XRRA1: variants seen among roughly 807,000 people sequenced by gnomAD.
The protein encoded by XRRA1 is X-ray radiation resistance-associated protein 1.
In XRRA1, 69 loss-of-function variants were observed where a neutral mutation model predicts 80.2. That is an observed-to-expected ratio of 0.86 (90% CI 0.71 to 1.05). The LOEUF is 1.05. Among genes scored for constraint, XRRA1 ranks in the 50% least tolerant of loss-of-function variants. XRRA1 has a pLI of 0.00. For missense variants in XRRA1, 967 were observed against 976.4 expected, an observed-to-expected ratio of 0.99 and a Z score of 0.13; for synonymous variants, 348 against 389.9, an observed-to-expected ratio of 0.89 and a Z score of 1.27.
chr11:74,928,608 T>A (rs1942802537), intron 6 of XRRA1, among the ~76,000 whole-genome samples: 1 of 152,192 alleles, frequency 6.6e-6, no homozygotes, highest in South Asian at 2.1e-4. Context: ...AAACTCCTGA[T>A]GCTGTTGTAC....
chr11:74,928,458 G>C (rs1366942199), intron 6 of XRRA1, among the ~76,000 whole-genome samples: 1 of 152,168 alleles, frequency 6.6e-6, no homozygotes. Flanking sequence ...CTCCTGTGAG[G>C]AATGAGATTT....
At chr11:74,859,859 G>A (rs1413928722) in intron 11 of XRRA1, among the ~76,000 whole-genome samples, 2 of 152,066 alleles carry the variant, frequency 1.3e-5, no homozygotes, top group Non-Finnish European at 1.5e-5. Flanking sequence ...GCATGCTGCA[G>A]CTGGATCCCT....
chr11:74,874,241 A>AAG, intron 10 of XRRA1, among the ~76,000 whole-genome samples: 1 of 146,228 alleles, frequency 6.8e-6, no homozygotes, highest in East Asian at 2.0e-4. Context: ...CTCAAAAAAA[A>AAG]AAAAAAAAAA....
intron 3 of XRRA1, among the ~76,000 whole-genome samples, chr11:74,940,431 G>C (rs1209338104): frequency 6.6e-6 from 1 of 152,190 alleles, no homozygotes; most frequent in Non-Finnish European, 1.5e-5. Context: ...TGGCTAACAA[G>C]AATGAGGGCT....
At chr11:74,892,824 A>G (rs1343819876) in intron 10 of XRRA1, among the ~76,000 whole-genome samples, 6 of 151,946 alleles carry the variant, frequency 3.9e-5, no homozygotes, top group Admixed American at 2.0e-4. Context: ...ATCACTGGCC[A>G]TCAGAGAAAT....
chr11:74,932,142 T>C (rs1188659399), intron 5 of XRRA1, among the ~76,000 whole-genome samples: 1 of 152,248 alleles, frequency 6.6e-6, no homozygotes, highest in East Asian at 1.9e-4. Flanking sequence ...TTTTTGGTTA[T>C]ATTACTTGCT....
Position 74,840,998 on chromosome 11 carries a change from G to A in XRRA1, c.*2202C>T, listed in dbSNP as rs2036449715. ...TTTTTTCAGTTAGTTAGAGTTAAAT[G>A]TACCTATAGCCCCTGAATACATGCT... On this transcript the variant is annotated 3_prime_UTR_variant, in exon 19 of 19. Transcript: ENST00000684022. The A allele has an allele frequency of 6.6e-6, 1 of 152,038 alleles. No individual in the cohort carries two copies. The highest frequency in any genetic ancestry group is 1.5e-5 in the Non-Finnish European group (1 of 68,014). 9.4% of individuals were successfully genotyped at this position (152,038 alleles called of 1,614,324 possible). A position where few individuals can be genotyped will look rare whatever the true frequency, so the allele number is the denominator to read the frequency against.
At chr11:74,879,656 TGA>T (rs1491150769) in intron 10 of XRRA1, among the ~76,000 whole-genome samples, 1 of 152,124 alleles carries the variant, frequency 6.6e-6, no homozygotes, top group African/African-American at 2.4e-5. Context: ...CCTAATTTAC[TGA>T]GAGTTTTTAG....
intron 7 of XRRA1, among the ~76,000 whole-genome samples, chr11:74,925,710 C>T (rs1039525063): frequency 2.6e-5 from 4 of 152,182 alleles, no homozygotes; most frequent in Non-Finnish European, 5.9e-5. Flanking sequence ...AAAAAAGTCA[C>T]TCATGATCAA....
At chr11:74,894,390 GT>G (rs1169358228) in intron 10 of XRRA1, among the ~76,000 whole-genome samples, 9 of 152,092 alleles carry the variant, frequency 5.9e-5, no homozygotes, top group Admixed American at 2.6e-4. Context: ...TAATGAACTT[GT>G]ACATGTACCC....
chr11:74,848,373 C>A lies in XRRA1; in HGVS notation c.1470G>T (p.Met490Ile), dbSNP rs371645253. ...MTTTKSPSKD[M>I]LEPEAELAED... ...CAGCCAGCTCTGCCTCTGGCTCTAGCATATCCTTTGAGGGAGACTTGGTTG... is the reference window on the plus strand; with the variant it reads ...CAGCCAGCTCTGCCTCTGGCTCTAGAATATCCTTTGAGGGAGACTTGGTTG... Residue 490 changes from methionine to isoleucine, a missense_variant, in exon 15 of 19, where the codon ATG (methionine) becomes ATT (isoleucine). Physicochemically the swap from Met to Ile is conservative, Grantham distance 10. Coordinates refer to ENST00000684022, the MANE Select transcript of XRRA1 (RefSeq NM_001378157.1). The A allele has an allele frequency of 1.7e-4, 280 of 1,613,800 alleles. No individual in the cohort carries two copies. The highest frequency in any genetic ancestry group is 8.1e-5 in the Non-Finnish European group (95 of 1,179,876).
At chr11:74,916,263 TC>T (rs1938634981) in intron 8 of XRRA1, among the ~76,000 whole-genome samples, 2 of 152,216 alleles carry the variant, frequency 1.3e-5, no homozygotes, top group African/African-American at 4.8e-5. Context: ...CTCCGTGCTT[TC>T]TCTCTTCTCC....
chr11:74,935,135 G>C (rs970933736), intron 4 of XRRA1, among the ~76,000 whole-genome samples: 1 of 152,298 alleles, frequency 6.6e-6, no homozygotes, highest in South Asian at 2.1e-4. Flanking sequence ...CTGGCTGCTT[G>C]GAGTTGAGGA....
At chr11:74,843,670 G>A in intron 18 of XRRA1, 184 bp downstream of exon 18, 1 of 810,606 alleles carries the variant, frequency 1.2e-6, no homozygotes, top group Non-Finnish European at 1.9e-6. Flanking sequence ...ACCTTAACAT[G>A]CTGTGTGATT....
chr11:74,884,211 G>A lies in XRRA1; in HGVS notation c.1004-21190C>T, dbSNP rs114203569. Among the ~76,000 whole-genome samples the A allele has an allele frequency of 5.2e-3, 797 of 152,200 alleles. 8 individuals are homozygous for A. Among genetic ancestry groups the A allele is most frequent in the African/African-American group, 0.018 (758 of 41,510 alleles). On this transcript the variant is annotated intron_variant, in intron 10 of 18. Transcript: ENST00000684022. ...AACAAAGAGAAGCCTGAAAAATCAA[G>A]CTGCAAACATAGATAAGCGAGCTGG...
chr11:74,940,879 C>G lies in XRRA1; in HGVS notation c.-1G>C, dbSNP rs779454903. 1.2e-6 allele frequency: 2 copies of G among 1,605,362 alleles called. No individual in the cohort carries two copies. The highest frequency in any genetic ancestry group is 2.2e-5 in the East Asian group (1 of 44,686). On this transcript the variant is annotated 5_prime_UTR_variant, in exon 3 of 19. Coordinates refer to ENST00000684022, the MANE Select transcript of XRRA1 (RefSeq NM_001378157.1). ...GCTTGTAGATTCCTGAGAAGGCCAT[C>G]TCCCTGAGAGCCAGGCAAGGAAAGC...
intron 10 of XRRA1, among the ~76,000 whole-genome samples, chr11:74,900,333 A>G (rs1323899386): frequency 6.6e-6 from 1 of 152,206 alleles, no homozygotes; most frequent in Non-Finnish European, 1.5e-5. Flanking sequence ...CTGTAATCCC[A>G]GCACTTTGGG....
intron 10 of XRRA1, among the ~76,000 whole-genome samples, chr11:74,870,700 A>G (rs947082233): frequency 5.9e-5 from 9 of 152,150 alleles, no homozygotes; most frequent in African/African-American, 2.2e-4. Context: ...AATCCTCTCC[A>G]TGAGGTACCT....
intron 10 of XRRA1, among the ~76,000 whole-genome samples, chr11:74,871,063 G>T (rs1421743451): frequency 6.6e-6 from 1 of 152,188 alleles, no homozygotes; most frequent in Non-Finnish European, 1.5e-5. Context: ...CTCCATTAAA[G>T]GGCCTTGCAA....
Sources: gnomAD v4.1 joint callset for allele counts (sites outside exome capture counted in the v4.1 genomes callset) on GRCh38, gnomAD v4.1.1 for gene constraint, MANE v1.5 for transcripts, NCBI Gene and HGNC (gene_info 2026-07-23, HGNC 2026-07-21) for gene names.